FHIT: variants seen among roughly 807,000 people sequenced by gnomAD.
The protein encoded by FHIT is fragile histidine triad diadenosine triphosphatase, also known as bis(5'-adenosyl)-triphosphatase.
FHIT carries 19 observed loss-of-function variants against 17.9 expected under a neutral mutation model. The ratio of observed to expected loss-of-function variants is 1.06; its 90% confidence interval spans 0.74 to 1.56. FHIT has a LOEUF of 1.56. Among genes scored for constraint, FHIT ranks in the 40% most tolerant of loss-of-function variants. FHIT has a pLI of 0.00. For missense variants in FHIT, 248 were observed against 189.2 expected, an observed-to-expected ratio of 1.31 and a Z score of -1.82; for synonymous variants, 81 against 69.7, an observed-to-expected ratio of 1.16 and a Z score of -0.81.
chr3:59,796,181 C>A (rs1347901561), intron 8 of FHIT, among the ~76,000 whole-genome samples: 7 of 152,184 alleles, frequency 4.6e-5, no homozygotes, highest in African/African-American at 9.7e-5. Flanking sequence ...GTATGTCTAG[C>A]CTGTGTCCAA....
At chr3:60,868,909 G>A (rs981928807) in intron 3 of FHIT, among the ~76,000 whole-genome samples, 4 of 152,106 alleles carry the variant, frequency 2.6e-5, no homozygotes, top group Admixed American at 2.0e-4. Context: ...GATAGCAGGC[G>A]AGTGGAAGAG....
chr3:61,203,540 T>C (rs1372232778), intron 1 of FHIT, among the ~76,000 whole-genome samples: 1 of 152,090 alleles, frequency 6.6e-6, no homozygotes, highest in East Asian at 1.9e-4. Context: ...AAGGAAGCAG[T>C]GAGAAACAAG....
At chr3:60,172,181 G>A (rs976817266) in intron 5 of FHIT, among the ~76,000 whole-genome samples, 1 of 152,200 alleles carries the variant, frequency 6.6e-6, no homozygotes, top group African/African-American at 2.4e-5. Context: ...CAGGAAGTCA[G>A]GAGAGCTAGT....
chr3:61,155,030 G>T (rs1489644313), intron 2 of FHIT, among the ~76,000 whole-genome samples: 2 of 152,140 alleles, frequency 1.3e-5, no homozygotes, highest in Admixed American at 1.3e-4. Flanking sequence ...CATCATTTCC[G>T]CTCTCTTCAG....
chr3:61,057,770 G>A (rs1004869527), intron 2 of FHIT, among the ~76,000 whole-genome samples: 11 of 152,144 alleles, frequency 7.2e-5, no homozygotes, highest in Admixed American at 1.3e-4. Context: ...GGAGTCAAGC[G>A]TCACTAAAAA....
intron 5 of FHIT, among the ~76,000 whole-genome samples, chr3:60,182,002 C>A (rs1216890378): frequency 6.6e-6 from 1 of 152,114 alleles, no homozygotes; most frequent in East Asian, 1.9e-4. Context: ...CTGGTGGGGA[C>A]TTTTAATTAT....
intron 4 of FHIT, among the ~76,000 whole-genome samples, chr3:60,772,023 G>T (rs1329544368): frequency 1.3e-5 from 2 of 152,110 alleles, no homozygotes; most frequent in African/African-American, 4.8e-5. Context: ...TCTTAAAAGT[G>T]TTGGAAAGAG....
intron 8 of FHIT, among the ~76,000 whole-genome samples, chr3:59,853,320 G>C (rs1475281238): frequency 2.0e-5 from 3 of 152,148 alleles, no homozygotes; most frequent in Non-Finnish European, 4.4e-5. Context: ...GAAACTCAAA[G>C]AATGTAGATA....
At chr3:60,365,715 G>A (rs9878487) in intron 5 of FHIT, among the ~76,000 whole-genome samples, 17 of 152,002 alleles carry the variant, frequency 1.1e-4, no homozygotes, top group South Asian at 6.2e-4. Flanking sequence ...TCAGTGTTAC[G>A]TCTTAAGATT....
In FHIT at chr3:61,019,914, G is replaced by A. The variant is rs551838675; in HGVS notation, c.-111+22133C>T. Among the ~76,000 whole-genome samples, 143 of 149,728 alleles carry A rather than the reference G, an allele frequency of 9.6e-4. 1 individual carries two copies. The highest frequency in any genetic ancestry group is 3.4e-3 in the African/African-American group (140 of 40,650). On this transcript the variant is annotated intron_variant, in intron 3 of 9. Transcript: ENST00000492590. ...AAGTTCTGGGATACATGTGTAGAAC[G>A]TGCGGGTTTGTTACATAGGTATACA...
intron 5 of FHIT, among the ~76,000 whole-genome samples, chr3:60,386,026 C>T (rs1023358775): frequency 6.6e-6 from 1 of 152,132 alleles, no homozygotes; most frequent in African/African-American, 2.4e-5. Flanking sequence ...GAGTGCCATA[C>T]CCAGGGTAAC....
rs75848113 is a variant in FHIT, at chr3:59,813,825, T to C, written c.349-61504A>G. The stretch of plus-strand genomic sequence containing the variant: ...GTGACTCAATAAACAGCTAGATAAG[T>C]CATTGTTCCTGCATGGCCTATGGTT... On this transcript the variant is annotated intron_variant, in intron 8 of 9. Coordinates refer to ENST00000492590, the MANE Select transcript of FHIT (RefSeq NM_002012.4). Among the ~76,000 whole-genome samples, 1,022 of 152,096 alleles carry C rather than the reference T, an allele frequency of 6.7e-3. 45 individuals carry two copies. In the East Asian group the frequency reaches 0.098, roughly 15 times the overall value.
chr3:60,095,194 T>G (rs1576086600), intron 5 of FHIT, among the ~76,000 whole-genome samples: 1 of 152,164 alleles, frequency 6.6e-6, no homozygotes, highest in Non-Finnish European at 1.5e-5. Flanking sequence ...ACGATGCATT[T>G]TGTACATTTA....
intron 3 of FHIT, among the ~76,000 whole-genome samples, chr3:60,826,188 AGG>A (rs1702113355): frequency 7.1e-6 from 1 of 141,020 alleles, no homozygotes; most frequent in South Asian, 2.1e-4. Flanking sequence ...GAAGGAAGGA[AGG>A]AAGGAAGGAA....
At chr3:60,580,934 T>C (rs1289598920) in intron 4 of FHIT, among the ~76,000 whole-genome samples, 1 of 152,058 alleles carries the variant, frequency 6.6e-6, no homozygotes, top group African/African-American at 2.4e-5. Flanking sequence ...GCTGCTCAAA[T>C]GTGCATCTAT....
At chr3:60,777,577 T>C (rs1360085374) in intron 4 of FHIT, among the ~76,000 whole-genome samples, 1 of 152,196 alleles carries the variant, frequency 6.6e-6, no homozygotes, top group Non-Finnish European at 1.5e-5. Context: ...TAGTTGATTA[T>C]CTCCTGGATC....
intron 3 of FHIT, among the ~76,000 whole-genome samples, chr3:61,029,310 G>T (rs1226593757): frequency 6.6e-6 from 1 of 152,158 alleles, no homozygotes; most frequent in African/African-American, 2.4e-5. Flanking sequence ...AATTAAGAAC[G>T]ACCAAGGGTT....
At chr3:60,042,460 G>GT (rs1356376768) in intron 5 of FHIT, among the ~76,000 whole-genome samples, 1 of 152,166 alleles carries the variant, frequency 6.6e-6, no homozygotes, top group Non-Finnish European at 1.5e-5. Flanking sequence ...GGTCACCAGG[G>GT]TTGGTTCCTT....
chr3:60,789,156 G>A (rs57006425), intron 4 of FHIT, among the ~76,000 whole-genome samples: 9,897 of 130,740 alleles, frequency 0.076, 614 homozygotes, highest in African/African-American at 0.18. Flanking sequence ...GTGTGTGTGT[G>A]TATATATATA....
Sources: gnomAD v4.1 joint callset for allele counts (sites outside exome capture counted in the v4.1 genomes callset) on GRCh38, gnomAD v4.1.1 for gene constraint, MANE v1.5 for transcripts, NCBI Gene and HGNC (gene_info 2026-07-23, HGNC 2026-07-21) for gene names.